The following PEX5L variants were observed in gnomAD, a reference collection of about 807,000 sequenced individuals.
The protein encoded by PEX5L is PEX5-related protein.
Under a neutral mutation model 84.0 loss-of-function variants are expected in PEX5L, and 30 were observed. The observed-to-expected ratio is 0.36, with a 90% CI of 0.27 to 0.48. PEX5L has a LOEUF of 0.48. PEX5L is among the 20% of genes least tolerant of loss of function. PEX5L has a pLI of 0.99. For missense variants in PEX5L, 533 were observed against 754.6 expected (o/e 0.71, Z 3.44); for synonymous variants, 270 against 283.1 (o/e 0.95, Z 0.46).
Position 180,036,563 on chromosome 3 carries a change from T to G in PEX5L, c.21+16A>C. ...AGCCCCCAAGAATTCTCTCCAGCCCTATAGAAATGTCTTACCTGCATGTGT... is the reference window on the plus strand; with the variant it reads ...AGCCCCCAAGAATTCTCTCCAGCCCGATAGAAATGTCTTACCTGCATGTGT... On this transcript the variant is annotated intron_variant, in intron 1 of 14. Coordinates refer to ENST00000467460, the MANE Select transcript of PEX5L (RefSeq NM_016559.3). 6.2e-7 allele frequency: 1 copy of G among 1,613,228 alleles called. No homozygotes were observed. Among genetic ancestry groups the G allele is most frequent in the East Asian group, 2.2e-5 (1 of 44,880 alleles).
chr3:180,030,616 A>G (rs915428027), intron 1 of PEX5L, among the ~76,000 whole-genome samples: 4 of 152,152 alleles, frequency 2.6e-5, no homozygotes, highest in African/African-American at 9.7e-5. Flanking sequence ...CAGTTGTTTT[A>G]AGAACCACAT....
rs1046020009 is a variant in PEX5L, at chr3:179,799,112, G to T, written c.*2716C>A. ...TTTTTGTATTCTTAATAAAGACGGG[G>T]TTTCACCATGTTGGTCAGGCTGGTC... On this transcript the variant is annotated 3_prime_UTR_variant, in exon 15 of 15. Transcript: ENST00000467460. The T allele has an allele frequency of 1.3e-5, 2 of 152,110 alleles. No individual in the cohort carries two copies. Among genetic ancestry groups the T allele is most frequent in the African/African-American group, 4.8e-5 (2 of 41,394 alleles). 9.4% of individuals were successfully genotyped at this position (152,110 alleles called of 1,614,324 possible). A position where few individuals can be genotyped will look rare whatever the true frequency, so the allele number is the denominator to read the frequency against.
At chr3:179,848,551 C>CAAAA (rs377561010) in intron 8 of PEX5L, among the ~76,000 whole-genome samples, 37 of 95,806 alleles carry the variant, frequency 3.9e-4, no homozygotes, top group African/African-American at 1.2e-3. Context: ...AAACCTCTCT[C>CAAAA]AAAAAAAAAA....
At chr3:179,890,687 AC>A (rs202245714) in intron 3 of PEX5L, among the ~76,000 whole-genome samples, 1 of 152,240 alleles carries the variant, frequency 6.6e-6, no homozygotes, top group African/African-American at 2.4e-5. Context: ...AAACAAACAA[AC>A]AAAAAAAACT....
At chr3:180,012,311 G>A (rs1412465678) in intron 1 of PEX5L, among the ~76,000 whole-genome samples, 1 of 152,132 alleles carries the variant, frequency 6.6e-6, no homozygotes, top group Non-Finnish European at 1.5e-5. Context: ...TGTCAACCAT[G>A]ATCTATTTAG....
chr3:179,848,551 C>CAAA (rs377561010), intron 8 of PEX5L, among the ~76,000 whole-genome samples: 3,333 of 95,692 alleles, frequency 0.035, 164 homozygotes, highest in African/African-American at 0.1. Context: ...AAACCTCTCT[C>CAAA]AAAAAAAAAA....
chr3:179,917,333 C>CT (rs879717616), intron 2 of PEX5L, among the ~76,000 whole-genome samples: 1,982 of 147,882 alleles, frequency 0.013, 42 homozygotes, highest in African/African-American at 0.045. Flanking sequence ...TTACAGCTAA[C>CT]TTTTTTTTTT....
At chr3:179,942,479 G>A (rs1776416612) in intron 2 of PEX5L, among the ~76,000 whole-genome samples, 1 of 152,262 alleles carries the variant, frequency 6.6e-6, no homozygotes, top group South Asian at 2.1e-4. Context: ...GCATGCCCAA[G>A]GCCCCAGCGC....
intron 8 of PEX5L, among the ~76,000 whole-genome samples, chr3:179,832,449 T>A (rs1733423020): frequency 6.6e-6 from 1 of 150,412 alleles, no homozygotes; most frequent in African/African-American, 2.5e-5. Flanking sequence ...CCTACTTACT[T>A]ACCCACCTAC....
chr3:179,875,843 T>G (rs1752210469), intron 5 of PEX5L, among the ~76,000 whole-genome samples: 1 of 152,206 alleles, frequency 6.6e-6, no homozygotes, highest in Non-Finnish European at 1.5e-5. Context: ...AATGTACATC[T>G]GGAGCACTAC....
intron 2 of PEX5L, among the ~76,000 whole-genome samples, chr3:179,959,129 T>C (rs754752322): frequency 1.7e-4 from 26 of 151,342 alleles, no homozygotes; most frequent in Non-Finnish European, 3.8e-4. Context: ...AGAGTATAAA[T>C]TTCTAGCAAG....
intron 7 of PEX5L, among the ~76,000 whole-genome samples, chr3:179,870,032 A>G (rs923578936): frequency 6.6e-6 from 1 of 152,224 alleles, no homozygotes; most frequent in Non-Finnish European, 1.5e-5. Context: ...AAGGGGACTC[A>G]GATGAACTTT....
intron 8 of PEX5L, among the ~76,000 whole-genome samples, chr3:179,841,561 TCAA>T (rs879694265): frequency 9.9e-5 from 15 of 152,240 alleles, no homozygotes; most frequent in Non-Finnish European, 1.3e-4. Flanking sequence ...GTCTCTTATT[TCAA>T]CATCTCTCAT....
At chr3:179,900,551 C>A in intron 2 of PEX5L, 1 of 699,640 alleles carries the variant, frequency 1.4e-6, no homozygotes, top group African/African-American at 1.8e-5. Flanking sequence ...AAAACAAAAA[C>A]AAAAACAAAA....
chr3:179,973,891 C>T (rs1785383386), intron 1 of PEX5L: 5 of 985,454 alleles, frequency 5.1e-6, no homozygotes, highest in Non-Finnish European at 4.8e-6. Context: ...CCAAACAGCA[C>T]ACAACAGTAC....
rs148495757 is a variant in PEX5L, at chr3:180,024,347, AATATATATATAT to A, written c.21+12220_21+12231del. Among the ~76,000 whole-genome samples the A allele has an allele frequency of 1.3e-4, 14 of 107,670 alleles. 1 individual carries two copies. Among genetic ancestry groups the A allele is most frequent in the African/African-American group, 4.2e-4 (11 of 26,252 alleles). 70.6% of individuals were successfully genotyped at this position (107,670 alleles called of 152,430 possible). A position where few individuals can be genotyped will look rare whatever the true frequency, so the allele number is the denominator to read the frequency against. ...ACACTGTGAAACCCCGTCCCTACTA[AATATATATATAT>A]ATATATATATATATACACACACAAA... is the stretch of plus-strand genomic sequence containing the variant. On this transcript the variant is annotated intron_variant, in intron 1 of 14. Transcript: ENST00000467460.
At chr3:179,872,671 C>T (rs946662824) in intron 7 of PEX5L, among the ~76,000 whole-genome samples, 1 of 152,204 alleles carries the variant, frequency 6.6e-6, no homozygotes, top group Non-Finnish European at 1.5e-5. Context: ...CAACCAGGGA[C>T]ACCAGCTGAT....
chr3:179,879,856 G>T, intron 5 of PEX5L, 73 bp downstream of exon 5: 3 of 1,039,842 alleles, frequency 2.9e-6, no homozygotes, highest in Non-Finnish European at 4.2e-6. Flanking sequence ...TAATGCCATT[G>T]GTGGAAATTT....
chr3:179,886,733 T>C (rs1439282993), intron 4 of PEX5L, among the ~76,000 whole-genome samples: 2 of 152,180 alleles, frequency 1.3e-5, no homozygotes, highest in Non-Finnish European at 2.9e-5. Context: ...ATTTTTGGCA[T>C]TTTGGAAAAA....
Sources: gnomAD v4.1 joint callset for allele counts (sites outside exome capture counted in the v4.1 genomes callset) on GRCh38, gnomAD v4.1.1 for gene constraint, MANE v1.5 for transcripts, NCBI Gene and HGNC (gene_info 2026-07-23, HGNC 2026-07-21) for gene names.